SCGN: variants seen among roughly 807,000 people sequenced by gnomAD.
SCGN encodes secretagogin, EF-hand calcium binding protein.
In SCGN, 30 loss-of-function variants were observed where a neutral mutation model predicts 39.7. That is an observed-to-expected ratio of 0.76 (90% CI 0.57 to 1.03). The LOEUF is 1.03. SCGN is among the 50% of genes least tolerant of loss of function. The pLI, the probability that SCGN is intolerant of heterozygous loss-of-function variation, is 0.00. For missense variants in SCGN, 353 were observed against 349.4 expected (o/e 1.01, Z -0.08); for synonymous variants, 106 against 114.1 (o/e 0.93, Z 0.45).
chr6:25,652,411 G>A lies in SCGN; in HGVS notation c.8G>A (p.Ser3Asn), dbSNP rs753936553. The A allele has an allele frequency of 1.4e-5, 22 of 1,614,034 alleles. No individual in the cohort carries two copies. Among genetic ancestry groups the A allele is most frequent in the Non-Finnish European group, 1.8e-5 (21 of 1,180,018 alleles). The change falls in exon 1 of 11, where the codon AGC (serine) becomes AAC (asparagine). Residue 3 changes from serine (S) to asparagine (N), a missense_variant. Ser to Asn is a conservative substitution (Grantham distance 46, BLOSUM62 1). Transcript: ENST00000377961. MDSSREPTLGRLD... is the reference protein window; with the variant it reads MDNSREPTLGRLD... ...GTCTTCGTCGTCAACACCATGGACA[G>A]CTCCCGGGAACCGACTCTGGGGCGC...
At chr6:25,679,926 A>T (rs545839580) in intron 6 of SCGN, among the ~76,000 whole-genome samples, 1 of 152,236 alleles carries the variant, frequency 6.6e-6, no homozygotes, top group Non-Finnish European at 1.5e-5. Context: ...TCCAGACTTT[A>T]TAGAGCTAAG....
At chr6:25,664,082 A>G (rs1242193724) in intron 3 of SCGN, among the ~76,000 whole-genome samples, 1 of 152,230 alleles carries the variant, frequency 6.6e-6, no homozygotes, top group South Asian at 2.1e-4. Context: ...AAAAAGTATT[A>G]TAACTACATA....
intron 7 of SCGN, among the ~76,000 whole-genome samples, chr6:25,686,405 T>C (rs1473954401): frequency 1.3e-5 from 2 of 152,222 alleles, no homozygotes; most frequent in Non-Finnish European, 2.9e-5. Flanking sequence ...TTCTTTTAAT[T>C]ATAATCATCC....
chr6:25,693,744 C>T (rs1759803831), intron 10 of SCGN, among the ~76,000 whole-genome samples: 1 of 152,142 alleles, frequency 6.6e-6, no homozygotes, highest in African/African-American at 2.4e-5. Flanking sequence ...ATTCTCTCTG[C>T]ATACTATAGA....
intron 4 of SCGN, among the ~76,000 whole-genome samples, chr6:25,668,956 C>A (rs920404847): frequency 1.4e-4 from 21 of 151,790 alleles, no homozygotes; most frequent in African/African-American, 5.1e-4. Flanking sequence ...CTAAAAATAC[C>A]AAAAATTAGC....
At chr6:25,662,754 G>T (rs1582573099) in intron 3 of SCGN, among the ~76,000 whole-genome samples, 2 of 152,136 alleles carry the variant, frequency 1.3e-5, no homozygotes, top group African/African-American at 4.8e-5. Context: ...AGGCAAAATT[G>T]TATATGTAAC....
At chr6:25,671,034 A>T (rs1335975966) in intron 6 of SCGN, among the ~76,000 whole-genome samples, 1 of 148,570 alleles carries the variant, frequency 6.7e-6, no homozygotes, top group Non-Finnish European at 1.5e-5. Context: ...TATTTATTAT[A>T]TAAAGAGTTA....
In SCGN at chr6:25,652,351, C is replaced by A; in HGVS notation, c.-53C>A. On this transcript the variant is annotated 5_prime_UTR_variant, in exon 1 of 11. Transcript: ENST00000377961. ...AAGAAATACGGTGAAGGAGTCCTTC[C>A]CAAAGTTGTCTAGGTCCTTCCGCGC... 1 of 1,447,738 alleles carries A rather than the reference C, an allele frequency of 6.9e-7. No homozygotes were observed. The highest frequency in any genetic ancestry group is 9.7e-7 in the Non-Finnish European group (1 of 1,029,194). 89.7% of individuals were successfully genotyped at this position (1,447,738 alleles called of 1,614,324 possible).
chr6:25,693,994 T>C (rs1250451548), intron 10 of SCGN, among the ~76,000 whole-genome samples: 1 of 152,222 alleles, frequency 6.6e-6, no homozygotes. Context: ...AAAATCTGTA[T>C]AAGGCAATTA....
chr6:25,670,014 C>G lies in SCGN; in HGVS notation c.409C>G (p.Leu137Val), dbSNP rs145754257. ...GGCGCCACAGAACTTCCTCCGAGAC[C>G]TCTTTCTTCACCACAAAAAGGCCAT... The part of the protein sequence containing the change: ...AAELRNFLRD[L>V]FLHHKKAISE... Residue 137 changes from leucine to valine, a missense_variant, in exon 6 of 11, where the codon CTC becomes GTC. Leu to Val is a conservative substitution (Grantham distance 32). Coordinates refer to ENST00000377961, the MANE Select transcript of SCGN (RefSeq NM_006998.4). 1,662 of 1,613,670 alleles carry G rather than the reference C, an allele frequency of 1.0e-3. 17 individuals are homozygous for G. Among genetic ancestry groups the G allele is most frequent in the Non-Finnish European group, 2.1e-4 (251 of 1,179,656 alleles).
At chr6:25,666,997 T>C (rs1760435090) in intron 4 of SCGN, among the ~76,000 whole-genome samples, 1 of 152,178 alleles carries the variant, frequency 6.6e-6, no homozygotes, top group Non-Finnish European at 1.5e-5. Flanking sequence ...ATAGACAATA[T>C]GACCCCCAAT....
At chr6:25,657,607 G>T (rs1201706695) in intron 2 of SCGN, among the ~76,000 whole-genome samples, 1 of 151,180 alleles carries the variant, frequency 6.6e-6, no homozygotes, top group Non-Finnish European at 1.5e-5. Flanking sequence ...TCCCACACAG[G>T]ATCATTGAAG....
At chr6:25,666,431 A>G (rs1760426592) in intron 4 of SCGN, among the ~76,000 whole-genome samples, 1 of 152,220 alleles carries the variant, frequency 6.6e-6, no homozygotes, top group Admixed American at 6.5e-5. Flanking sequence ...AGTTTTCTGT[A>G]CAATGATGTT....
intron 6 of SCGN, 57 bp downstream of exon 6, chr6:25,670,133 C>A: frequency 8.4e-7 from 1 of 1,190,376 alleles, no homozygotes; most frequent in Non-Finnish European, 1.3e-6. Flanking sequence ...CCTCCCCAGA[C>A]CCCAGAAACA....
In SCGN at chr6:25,652,263, C is replaced by T; in HGVS notation, c.-141C>T. On this transcript the variant is annotated 5_prime_UTR_variant, in exon 1 of 11. Coordinates refer to ENST00000377961, the MANE Select transcript of SCGN (RefSeq NM_006998.4). ...GCGACGCCACGGCCAGCAGCGCTCG[C>T]GTCCTCCCCAGCAACAGTTACTCAA... 1.5e-6 allele frequency: 1 copy of T among 688,684 alleles called. No homozygotes were observed. Among genetic ancestry groups the T allele is most frequent in the Non-Finnish European group, 2.5e-6 (1 of 398,732 alleles). The allele number at this position is 688,684 out of a possible 1,614,324, so 42.7% of individuals were successfully genotyped here.
chr6:25,673,991 G>A (rs1037938728), intron 6 of SCGN, among the ~76,000 whole-genome samples: 3 of 152,122 alleles, frequency 2.0e-5, no homozygotes, highest in African/African-American at 7.2e-5. Flanking sequence ...AGAGAGAGCC[G>A]AGGAGGATGC....
intron 4 of SCGN, 34 bp from the exon 5 acceptor site, chr6:25,669,477 G>A (rs551435496): frequency 5.1e-6 from 8 of 1,573,164 alleles, no homozygotes; most frequent in Middle Eastern, 3.3e-4. Context: ...AGTTATCTGA[G>A]GATAAATTAA....
rs192168685 is a variant in SCGN at position 25,667,000 on chromosome 6, C to T, written c.336+1968C>T. Among the ~76,000 whole-genome samples the T allele has an allele frequency of 2.6e-4, 40 of 152,042 alleles. No homozygotes were observed. The East Asian group carries it at 7.7e-3, about 29-fold the overall frequency. ...CTGCCCAAGTGTATAGACAATATGA[C>T]CCCCAATTCTGTTTTTTAGTGTATG... On this transcript the variant is annotated intron_variant, in intron 4 of 10. Transcript: ENST00000377961.
chr6:25,666,385 G>C (rs556922550), intron 4 of SCGN, among the ~76,000 whole-genome samples: 1 of 152,048 alleles, frequency 6.6e-6, no homozygotes, highest in East Asian at 1.9e-4. Flanking sequence ...ACTTTTTCAG[G>C]CATCTATTTT....
Sources: gnomAD v4.1 joint callset for allele counts (sites outside exome capture counted in the v4.1 genomes callset) on GRCh38, gnomAD v4.1.1 for gene constraint, MANE v1.5 for transcripts, NCBI Gene and HGNC (gene_info 2026-07-23, HGNC 2026-07-21) for gene names.